ITGA7: variants seen among roughly 807,000 people sequenced by gnomAD.
ITGA7 encodes the protein integrin subunit alpha 7.
In ITGA7, 84 loss-of-function variants were observed where a neutral mutation model predicts 131.6. The ratio of observed to expected loss-of-function variants is 0.64; its 90% CI spans 0.54 to 0.77. ITGA7 has a LOEUF of 0.77. Among genes scored for constraint, ITGA7 ranks in the 30% least tolerant of loss-of-function variants. ITGA7 has a pLI of 0.00. For synonymous variants in ITGA7, 548 were observed against 600.7 expected (o/e 0.91, Z 1.28); for missense variants, 1,399 against 1,482.9 (o/e 0.94, Z 0.93).
intron 19 of ITGA7, among the ~76,000 whole-genome samples, chr12:55,693,696 C>A (rs1871982307): frequency 6.6e-6 from 1 of 152,096 alleles, no homozygotes; most frequent in Non-Finnish European, 1.5e-5. Context: ...CCCAGCCAAG[C>A]AAAGGCAGAG....
chr12:55,700,034 AG>A, intron 4 of ITGA7, 45 bp from the exon 5 acceptor site: 1 of 1,607,820 alleles, frequency 6.2e-7, no homozygotes, highest in Non-Finnish European at 8.5e-7. Context: ...CATCCAGAGT[AG>A]GGGCCACAGA....
chr12:55,714,836 T>C (rs951315001), upstream of ITGA7, among the ~76,000 whole-genome samples: 2 of 150,312 alleles, frequency 1.3e-5, no homozygotes, highest in Non-Finnish European at 2.9e-5. Context: ...CCTTAGATTC[T>C]ATTTAATTAG....
chr12:55,716,077 G>T (rs535924264), upstream of ITGA7: 389 of 1,574,666 alleles, frequency 2.5e-4, 7 homozygotes, highest in South Asian at 4.2e-3. Context: ...CGAGGTGAGC[G>T]TTCCAGCTTC....
At chr12:55,699,047 C>G in intron 5 of ITGA7, 130 bp from the exon 6 acceptor site, 1 of 818,416 alleles carries the variant, frequency 1.2e-6, no homozygotes, top group South Asian at 1.5e-5. Flanking sequence ...TGCACCCTGC[C>G]CCCTCCCCTA....
In ITGA7 at chr12:55,685,043, C is replaced by G. The variant is rs377708782; in HGVS notation, c.*15G>C. ...GGATGGAGGGCAGCCACAGGCCAGGCTGGGACATGGGAACCTAGGCGGTGC... is the reference window on the plus strand; with the variant it reads ...GGATGGAGGGCAGCCACAGGCCAGGGTGGGACATGGGAACCTAGGCGGTGC... On this transcript the variant is annotated 3_prime_UTR_variant, in exon 25 of 25. Coordinates refer to ENST00000257879, the MANE Select transcript of ITGA7 (RefSeq NM_002206.3). 3.2e-6 allele frequency: 5 copies of G among 1,562,246 alleles called. No individual in the cohort carries two copies. The highest frequency in any genetic ancestry group is 1.3e-5 in the African/African-American group (1 of 74,466).
intron 24 of ITGA7, among the ~76,000 whole-genome samples, chr12:55,685,561 G>T (rs1009168829): frequency 6.6e-6 from 1 of 152,120 alleles, no homozygotes; most frequent in African/African-American, 2.4e-5. Context: ...GGCCTTGAGG[G>T]TGGAGCATCA....
intron 1 of ITGA7, among the ~76,000 whole-genome samples, chr12:55,704,862 G>A (rs955881138): frequency 6.6e-6 from 1 of 152,166 alleles, no homozygotes; most frequent in African/African-American, 2.4e-5. Context: ...AGGAAACGGG[G>A]TGATACAGCC....
intron 21 of ITGA7, among the ~76,000 whole-genome samples, chr12:55,691,189 T>C (rs919264401): frequency 3.3e-5 from 5 of 151,830 alleles, no homozygotes; most frequent in Non-Finnish European, 2.9e-5. Flanking sequence ...TTAGACATTA[T>C]GTTAAGCAAA....
Position 55,693,149 on chromosome 12 carries a change from G to A in ITGA7, c.2704C>T (p.Leu902Phe), listed in dbSNP as rs958540510. The change falls in exon 20 of 25, where the codon CTC becomes TTC. Residue 902 changes from leucine to phenylalanine, a missense_variant. Leu to Phe is a conservative substitution (Grantham distance 22). Coordinates refer to ENST00000257879, the MANE Select transcript of ITGA7 (RefSeq NM_002206.3). ...CCCCACCTAAGCCTCACCAGGTGGA[G>A]GATGTTGGGCCTGGGAGAGCAAAGC... ...KGLCSPRPNI[L>F]HLDVDSRDRR... 4 of 1,613,852 alleles carry A rather than the reference G, an allele frequency of 2.5e-6. No individual in the cohort carries two copies. The African/African-American group carries it at 5.3e-5, about 22-fold the overall frequency.
At chr12:55,716,369 A>G (rs1460273330), upstream of ITGA7, 3 of 1,437,954 alleles carry the variant, frequency 2.1e-6, no homozygotes, top group Non-Finnish European at 2.7e-6. Flanking sequence ...TTCCCTTGCC[A>G]ACTGGCTCCG....
At chr12:55,709,556 T>C (rs1465309266), upstream of ITGA7, among the ~76,000 whole-genome samples, 1 of 152,176 alleles carries the variant, frequency 6.6e-6, no homozygotes, top group African/African-American at 2.4e-5. Context: ...AGGATTCTAC[T>C]TTCACCATGC....
In ITGA7 at chr12:55,696,807, G is replaced by C. The variant is rs183431006; in HGVS notation, c.1737+92C>G. ...GTGTCTAGGTCTTAGAAGGAGGCACGAGTGTGCTCGGGAAAAAGCAGCTAA... is the reference window on the plus strand; with the variant it reads ...GTGTCTAGGTCTTAGAAGGAGGCACCAGTGTGCTCGGGAAAAAGCAGCTAA... On this transcript the variant is annotated intron_variant, in intron 12 of 24. Transcript: ENST00000257879. 49 of 1,439,896 alleles carry C rather than the reference G, an allele frequency of 3.4e-5. 2 individuals are homozygous for C. In the African/African-American group the frequency reaches 4.3e-4, roughly 13 times the overall value. The allele number at this position is 1,439,896 out of a possible 1,614,324, so 89.2% of individuals were successfully genotyped here. A position where few individuals can be genotyped will look rare whatever the true frequency, so the allele number is the denominator to read the frequency against.
chr12:55,693,535 A>G (rs1455315344), intron 19 of ITGA7, among the ~76,000 whole-genome samples: 1 of 151,982 alleles, frequency 6.6e-6, no homozygotes, highest in Non-Finnish European at 1.5e-5. Flanking sequence ...CTAAATCCAC[A>G]GAGATGGAAG....
rs3844368 is a variant in ITGA7, at chr12:55,707,297, G to C, written c.206+180C>G. ...AGCAAAATACTGGTCTCAGGGCCGG[G>C]AAGTGCAGCTTCAGACGCAAGCCAG... is the stretch of plus-strand genomic sequence containing the variant. On this transcript the variant is annotated intron_variant, in intron 1 of 24. Transcript: ENST00000257879. Among the ~76,000 whole-genome samples the C allele has an allele frequency of 0.49, 74,973 of 151,970 alleles. 20,095 individuals are homozygous for C. The highest frequency in any genetic ancestry group is 0.94 in the East Asian group (4,864 of 5,174).
chr12:55,690,021 G>A (rs569693240), intron 21 of ITGA7, among the ~76,000 whole-genome samples: 13 of 152,280 alleles, frequency 8.5e-5, no homozygotes, highest in African/African-American at 2.9e-4. Flanking sequence ...AAAAACCCTA[G>A]AAGAAAACCT....
At chr12:55,693,361 T>C (rs1163764969) in intron 19 of ITGA7, 44 bp from the exon 20 acceptor site, 1 of 205,156 alleles carries the variant, frequency 4.9e-6, no homozygotes, top group Non-Finnish European at 8.1e-6. Context: ...TCAGTTTTTC[T>C]TTTTTTTTTT....
At chr12:55,704,949 G>T (rs891745651) in intron 1 of ITGA7, among the ~76,000 whole-genome samples, 1 of 152,206 alleles carries the variant, frequency 6.6e-6, no homozygotes, top group Non-Finnish European at 1.5e-5. Context: ...CCATCTCTCT[G>T]AGTGTCGGGG....
chr12:55,714,517 C>CAAAAAAAAAAAA, upstream of ITGA7, among the ~76,000 whole-genome samples: 1 of 120,464 alleles, frequency 8.3e-6, no homozygotes, highest in African/African-American at 4.2e-5. Flanking sequence ...GACTCCGTCT[C>CAAAAAAAAAAAA]AAAAAAAAAA....
At chr12:55,715,782 C>T, upstream of ITGA7, 1 of 379,008 alleles carries the variant, frequency 2.6e-6, no homozygotes, top group Non-Finnish European at 4.7e-6. Context: ...TAAATGAGGC[C>T]AGGGAGCTTC....
Sources: gnomAD v4.1 joint callset for allele counts (sites outside exome capture counted in the v4.1 genomes callset) on GRCh38, gnomAD v4.1.1 for gene constraint, MANE v1.5 for transcripts, NCBI Gene and HGNC (gene_info 2026-07-23, HGNC 2026-07-21) for gene names.